MREG: variants seen among roughly 807,000 people sequenced by gnomAD.
The protein encoded by MREG is melanoregulin.
In MREG, 31 loss-of-function variants were observed where a neutral mutation model predicts 28.5. That is an observed-to-expected ratio of 1.09 (90% CI 0.82 to 1.47). The LOEUF is 1.47. Among genes scored for constraint, MREG ranks in the 40% most tolerant of loss-of-function variants. MREG has a pLI of 0.00. For synonymous variants in MREG, 106 were observed against 95.2 expected (o/e 1.11, Z -0.66); for missense variants, 256 against 257.4 (o/e 0.99, Z 0.04).
At chr2:216,003,487 T>C (rs1694072891) in intron 1 of MREG, among the ~76,000 whole-genome samples, 1 of 152,172 alleles carries the variant, frequency 6.6e-6, no homozygotes, top group South Asian at 2.1e-4. Flanking sequence ...TCTCCTCTGC[T>C]TTCATTCACA....
At chr2:216,025,283 A>C (rs1411413660) in intron 1 of MREG, among the ~76,000 whole-genome samples, 1 of 152,200 alleles carries the variant, frequency 6.6e-6, no homozygotes, top group East Asian at 1.9e-4. Flanking sequence ...AAATTGTAAA[A>C]CTAAGAAAGA....
At chr2:216,015,154 CGTGTGCGCGCGCGCGTGCGTGT>C (rs1159876504), upstream of MREG, among the ~76,000 whole-genome samples, 4 of 55,874 alleles carry the variant, frequency 7.2e-5, no homozygotes, top group Admixed American at 2.1e-4. Context: ...TGCGTGCGTA[CGTGTGCGCGCGCGCGTGCGTGT>C]GTGTTCGTGT....
chr2:216,004,364 CACCACTAGAACAAAA>C (rs1253753277), intron 1 of MREG, among the ~76,000 whole-genome samples: 1 of 152,146 alleles, frequency 6.6e-6, no homozygotes, highest in Non-Finnish European at 1.5e-5. Flanking sequence ...CTACCGCCAC[CACCACTAGAACAAAA>C]GCCACGAGGA....
intron 1 of MREG, among the ~76,000 whole-genome samples, chr2:216,010,168 C>T (rs913135740): frequency 6.6e-6 from 1 of 152,004 alleles, no homozygotes; most frequent in Non-Finnish European, 1.5e-5. Flanking sequence ...AGAGGAGAGA[C>T]ACATCAAAGA....
At chr2:216,007,679 C>T (rs562795226) in intron 1 of MREG, among the ~76,000 whole-genome samples, 14 of 151,688 alleles carry the variant, frequency 9.2e-5, no homozygotes, top group Admixed American at 5.2e-4. Flanking sequence ...ATCCACCTGT[C>T]TTGGTCTTCC....
At chr2:215,945,291 G>T (rs567682018) in intron 4 of MREG, among the ~76,000 whole-genome samples, 4 of 152,282 alleles carry the variant, frequency 2.6e-5, no homozygotes, top group Admixed American at 1.3e-4. Context: ...AAATGGTTCA[G>T]AAAATAGACT....
At chr2:215,980,910 CAGGGA>C (rs368756670) in intron 2 of MREG, among the ~76,000 whole-genome samples, 11,555 of 138,870 alleles carry the variant, frequency 0.083, 494 homozygotes, top group African/African-American at 0.09. Context: ...CAGGGAAGGG[CAGGGA>C]AGGGAAGGGA....
chr2:216,030,952 T>TCA (rs1219324655), intron 1 of MREG, among the ~76,000 whole-genome samples: 2,478 of 106,668 alleles, frequency 0.023, 25 homozygotes, highest in Non-Finnish European at 0.034. Flanking sequence ...TCTCTCTCTC[T>TCA]CTCTCACACA....
chr2:215,944,818 T>A lies in MREG; in HGVS notation c.*45A>T. On this transcript the variant is annotated 3_prime_UTR_variant, in exon 5 of 5. Coordinates refer to ENST00000263268, the MANE Select transcript of MREG (RefSeq NM_018000.3). ...TAATTGTCCAACTTTGGTTGACTGCTGAGTCCTCATGGAAGAATTCCCATT... is the reference window on the plus strand; with the variant it reads ...TAATTGTCCAACTTTGGTTGACTGCAGAGTCCTCATGGAAGAATTCCCATT... The A allele has an allele frequency of 6.5e-7, 1 of 1,540,432 alleles. No homozygotes were observed. Among genetic ancestry groups the A allele is most frequent in the Non-Finnish European group, 8.9e-7 (1 of 1,129,338 alleles).
At chr2:215,972,525 C>T (rs927205093) in intron 2 of MREG, among the ~76,000 whole-genome samples, 2 of 151,042 alleles carry the variant, frequency 1.3e-5, no homozygotes, top group African/African-American at 4.9e-5. Flanking sequence ...TGCCTGTAAT[C>T]CCAGCTACCT....
At chr2:215,983,820 A>T (rs899034532) in intron 2 of MREG, among the ~76,000 whole-genome samples, 3 of 152,218 alleles carry the variant, frequency 2.0e-5, no homozygotes, top group African/African-American at 7.2e-5. Flanking sequence ...AGGCAGACAC[A>T]TGTCATGAGA....
chr2:215,979,475 ATAATAAT>A (rs1559184968), intron 2 of MREG, among the ~76,000 whole-genome samples: 30 of 119,082 alleles, frequency 2.5e-4, no homozygotes, highest in Non-Finnish European at 4.1e-4. Context: ...AAAAATAATA[ATAATAAT>A]AATAATAATA....
In MREG at chr2:215,947,348, C is replaced by A. The variant is rs1045227841; in HGVS notation, c.256-235G>T. ...ATGGCACCTTGCATAAATTATCTTA[C>A]TGAAACTCTTCATATTACATATTCT... is the stretch of plus-strand genomic sequence containing the variant. On this transcript the variant is annotated intron_variant, in intron 2 of 4. Coordinates refer to ENST00000263268, the MANE Select transcript of MREG (RefSeq NM_018000.3). Among the ~76,000 whole-genome samples the A allele has an allele frequency of 2.6e-5, 4 of 152,214 alleles. No homozygotes were observed. In the East Asian group the frequency reaches 7.7e-4, roughly 29 times the overall value.
chr2:215,975,026 A>ATATATATG (rs1268461887), intron 2 of MREG, among the ~76,000 whole-genome samples: 2 of 145,688 alleles, frequency 1.4e-5, no homozygotes, highest in African/African-American at 5.0e-5. Flanking sequence ...ATATATATAT[A>ATATATATG]TGAAATAATA....
rs1160390244 is a variant in MREG, at chr2:215,945,640, TAAC to T, written c.438_440del (p.Leu147del). ...AAATATTGGTTTCTTCAGCCAGTTT[TAAC>T]AACATCTCTCGAGCTTTCCTTGTGT... is the stretch of plus-strand genomic sequence containing the variant. On this transcript the variant is annotated inframe_deletion, in exon 4 of 5. Coordinates refer to ENST00000263268, the MANE Select transcript of MREG (RefSeq NM_018000.3). 8.7e-6 allele frequency: 14 copies of T among 1,613,906 alleles called. No homozygotes were observed. Among genetic ancestry groups the T allele is most frequent in the South Asian group, 6.6e-5 (6 of 91,084 alleles).
At chr2:215,998,927 C>A (rs1693942200) in intron 1 of MREG, among the ~76,000 whole-genome samples, 1 of 152,036 alleles carries the variant, frequency 6.6e-6, no homozygotes, top group African/African-American at 2.4e-5. Flanking sequence ...AAAAAGTCTA[C>A]ACAGATTGTT....
intron 2 of MREG, among the ~76,000 whole-genome samples, chr2:215,988,763 A>G (rs1298858193): frequency 6.6e-6 from 1 of 152,184 alleles, no homozygotes; most frequent in African/African-American, 2.4e-5. Flanking sequence ...CTCACAGTGT[A>G]CACAAAGCCG....
At chr2:215,974,802 A>G (rs1305655545) in intron 2 of MREG, among the ~76,000 whole-genome samples, 2 of 141,908 alleles carry the variant, frequency 1.4e-5, no homozygotes, top group Non-Finnish European at 3.0e-5. Flanking sequence ...CAGTTCCTAA[A>G]CACAGACACA....
intron 2 of MREG, among the ~76,000 whole-genome samples, chr2:215,976,224 C>T (rs992109362): frequency 8.5e-5 from 13 of 152,200 alleles, no homozygotes; most frequent in African/African-American, 2.9e-4. Flanking sequence ...TCTTGAAACT[C>T]TACCTTCCAT....
Sources: allele counts gnomAD v4.1 joint callset (sites outside exome capture counted in the v4.1 genomes callset), GRCh38; gene constraint gnomAD v4.1.1; transcripts MANE v1.5; gene names NCBI Gene and HGNC (gene_info 2026-07-23, HGNC 2026-07-21).